Variants in UNC5D observed in about 807,000 individuals in gnomAD.
UNC5D encodes unc-5 netrin receptor D.
In UNC5D, 39 loss-of-function variants were observed where a neutral mutation model predicts 105.4. The ratio of observed to expected loss-of-function variants is 0.37; its 90% CI spans 0.29 to 0.48. The LOEUF (loss-of-function observed/expected upper bound fraction) is 0.48. UNC5D is among the 20% of genes least tolerant of loss of function. The probability of loss-of-function intolerance (pLI) is 0.98; values close to 1 mark genes in which losing one functional copy is unlikely to be tolerated. For missense variants in UNC5D, 991 were observed against 1,202.4 expected (o/e 0.82, Z 2.60); for synonymous variants, 452 against 450.4 (o/e 1.00, Z -0.04).
intron 1 of UNC5D, among the ~76,000 whole-genome samples, chr8:35,504,126 C>T (rs1477917570): frequency 6.6e-6 from 1 of 152,128 alleles, no homozygotes; most frequent in African/African-American, 2.4e-5. Context: ...CTTAGAAGGA[C>T]AGAGTGCCAC....
chr8:35,339,083 A>C (rs1473496051), intron 1 of UNC5D, among the ~76,000 whole-genome samples: 1 of 152,138 alleles, frequency 6.6e-6, no homozygotes, highest in Non-Finnish European at 1.5e-5. Flanking sequence ...TAGAGAACAG[A>C]CCCATGTAAT....
chr8:35,656,469 C>G (rs530192359), intron 4 of UNC5D, among the ~76,000 whole-genome samples: 2 of 152,104 alleles, frequency 1.3e-5, no homozygotes, highest in South Asian at 4.2e-4. Context: ...TATTATTTTC[C>G]CCATCATCCA....
At chr8:35,471,662 C>T (rs1444342897) in intron 1 of UNC5D, among the ~76,000 whole-genome samples, 2 of 152,126 alleles carry the variant, frequency 1.3e-5, no homozygotes, top group Non-Finnish European at 1.5e-5. Flanking sequence ...TGTTTTTCCT[C>T]CTTCATGGTT....
At chr8:35,293,520 A>C (rs1807234953) in intron 1 of UNC5D, among the ~76,000 whole-genome samples, 4 of 152,058 alleles carry the variant, frequency 2.6e-5, no homozygotes, top group Non-Finnish European at 5.9e-5. Context: ...TCTTCCATCA[A>C]CTTCTCTGGT....
At chr8:35,631,324 A>AG in intron 4 of UNC5D, among the ~76,000 whole-genome samples, 1 of 151,846 alleles carries the variant, frequency 6.6e-6, no homozygotes, top group South Asian at 2.1e-4. Flanking sequence ...AAAAAAAAAA[A>AG]AAATCATTTG....
intron 16 of UNC5D, among the ~76,000 whole-genome samples, chr8:35,783,170 A>T (rs1802585441): frequency 6.6e-6 from 1 of 151,860 alleles, no homozygotes; most frequent in Admixed American, 6.6e-5. Context: ...AAAGAGTCAT[A>T]TGTAAGTAAT....
intron 4 of UNC5D, among the ~76,000 whole-genome samples, chr8:35,626,549 C>T (rs1410456481): frequency 6.6e-6 from 1 of 152,130 alleles, no homozygotes; most frequent in Non-Finnish European, 1.5e-5. Context: ...TATAGCAGGG[C>T]ACACGTAGCC....
chr8:35,326,218 A>G (rs1563315146), intron 1 of UNC5D, among the ~76,000 whole-genome samples: 1 of 152,208 alleles, frequency 6.6e-6, no homozygotes, highest in East Asian at 1.9e-4. Context: ...GGTGCAGCAG[A>G]TGTTCAAGTT....
chr8:35,581,872 C>A (rs1488982861), intron 3 of UNC5D, among the ~76,000 whole-genome samples: 2 of 152,162 alleles, frequency 1.3e-5, no homozygotes, highest in African/African-American at 4.8e-5. Context: ...CAGGGGTATC[C>A]TGGACTTTTC....
At chr8:35,736,395 T>C (rs1212096489) in intron 11 of UNC5D, among the ~76,000 whole-genome samples, 1 of 151,626 alleles carries the variant, frequency 6.6e-6, no homozygotes. Flanking sequence ...GAAAAAGGAG[T>C]CTTAAAAACC....
chr8:35,526,745 CAT>C (rs1813904920), intron 1 of UNC5D, among the ~76,000 whole-genome samples: 1 of 151,964 alleles, frequency 6.6e-6, no homozygotes, highest in African/African-American at 2.4e-5. Flanking sequence ...ATGCTTATCT[CAT>C]ATATGCTAGT....
At chr8:35,270,917 C>T (rs1805235041) in intron 1 of UNC5D, among the ~76,000 whole-genome samples, 1 of 62,510 alleles carries the variant, frequency 1.6e-5, no homozygotes, top group African/African-American at 4.5e-5. Context: ...TTGAAATGTG[C>T]CCCTATGGTA....
chr8:35,610,586 A>C (rs1371613059), intron 4 of UNC5D, among the ~76,000 whole-genome samples: 1 of 152,172 alleles, frequency 6.6e-6, no homozygotes, highest in African/African-American at 2.4e-5. Flanking sequence ...GTTTGATGCT[A>C]TCCTAGGAGA....
intron 11 of UNC5D, among the ~76,000 whole-genome samples, chr8:35,733,822 G>A (rs1829321297): frequency 6.6e-6 from 1 of 152,080 alleles, no homozygotes. Context: ...GGGTGAGGAT[G>A]GCTTCCTGGA....
chr8:35,358,620 A>G (rs1801688509), intron 1 of UNC5D, among the ~76,000 whole-genome samples: 1 of 152,098 alleles, frequency 6.6e-6, no homozygotes, highest in Non-Finnish European at 1.5e-5. Flanking sequence ...AAATCTACAT[A>G]TCCTGCACAT....
intron 14 of UNC5D, among the ~76,000 whole-genome samples, chr8:35,763,419 T>C (rs910313067): frequency 4.6e-5 from 7 of 151,202 alleles, no homozygotes; most frequent in Non-Finnish European, 1.0e-4. Flanking sequence ...CCAGAGAAGA[T>C]ACTCATTTTA....
chr8:35,262,677 C>A (rs754338502), intron 1 of UNC5D, among the ~76,000 whole-genome samples: 26 of 152,194 alleles, frequency 1.7e-4, no homozygotes, highest in Non-Finnish European at 2.8e-4. Flanking sequence ...AGCTCCATTA[C>A]AACCAAAATG....
At chr8:35,521,151 A>C (rs554701075) in intron 1 of UNC5D, among the ~76,000 whole-genome samples, 14 of 152,314 alleles carry the variant, frequency 9.2e-5, no homozygotes, top group Non-Finnish European at 1.5e-5. Flanking sequence ...TGGATTAGAA[A>C]AAAAGAGGGG....
chr8:35,322,097 T>C (rs1809792008), intron 1 of UNC5D, among the ~76,000 whole-genome samples: 1 of 152,156 alleles, frequency 6.6e-6, no homozygotes, highest in Non-Finnish European at 1.5e-5. Flanking sequence ...AGTTGGTCAT[T>C]AGAAGGAAAA....
Sources: allele counts gnomAD v4.1 joint callset (sites outside exome capture counted in the v4.1 genomes callset), GRCh38; gene constraint gnomAD v4.1.1; transcripts MANE v1.5; gene names NCBI Gene and HGNC (gene_info 2026-07-23, HGNC 2026-07-21).